COMMD7: variants seen among roughly 807,000 people sequenced by gnomAD.
COMMD7 encodes COMM domain-containing protein 7.
A neutral mutation model predicts 34.8 loss-of-function variants in COMMD7; 28 were observed. That is an observed-to-expected ratio of 0.80 (90% CI 0.60 to 1.10). The LOEUF (loss-of-function observed/expected upper bound fraction) is 1.10. Ranked by LOEUF, COMMD7 falls within the 50% of genes least tolerant of loss-of-function variation. The pLI is 0.00. For synonymous variants in COMMD7, 80 were observed against 86.4 expected, an observed-to-expected ratio of 0.93 and a Z score of 0.41; for missense variants, 211 against 241.6, an observed-to-expected ratio of 0.87 and a Z score of 0.84.
intron 1 of COMMD7, among the ~76,000 whole-genome samples, chr20:32,738,207 C>A (rs1026109705): frequency 2.0e-5 from 3 of 152,116 alleles, no homozygotes; most frequent in African/African-American, 7.2e-5. Context: ...CTCACTGCAG[C>A]CTCAAACTTC....
At chr20:32,739,500 C>T (rs928918865) in intron 1 of COMMD7, among the ~76,000 whole-genome samples, 9 of 151,404 alleles carry the variant, frequency 5.9e-5, no homozygotes, top group Admixed American at 6.6e-5. Flanking sequence ...AAAAAATTAG[C>T]AGGGAGTAGT....
At chr20:32,711,415 T>TA (rs76264991) in intron 3 of COMMD7, among the ~76,000 whole-genome samples, 2,348 of 123,946 alleles carry the variant, frequency 0.019, 37 homozygotes, top group African/African-American at 0.05. Context: ...AAATGTTACT[T>TA]AAAAAAAAAA....
At chr20:32,726,264 G>T (rs1351775716) in intron 3 of COMMD7, among the ~76,000 whole-genome samples, 2 of 151,720 alleles carry the variant, frequency 1.3e-5, no homozygotes, top group African/African-American at 4.8e-5. Flanking sequence ...GGTGGCGCTT[G>T]CCTGTGCCTG....
intron 1 of COMMD7, among the ~76,000 whole-genome samples, chr20:32,735,810 T>C (rs1334062508): frequency 6.6e-6 from 1 of 152,344 alleles, no homozygotes; most frequent in East Asian, 1.9e-4. Flanking sequence ...CATACCTAGC[T>C]TATTTCACTT....
chr20:32,738,518 C>T (rs922360573), intron 1 of COMMD7, among the ~76,000 whole-genome samples: 4 of 151,930 alleles, frequency 2.6e-5, no homozygotes, highest in East Asian at 1.9e-4. Flanking sequence ...ACCTAGGAGG[C>T]GGAGGTTGCA....
At chr20:32,715,700 G>A (rs6087975) in intron 3 of COMMD7, among the ~76,000 whole-genome samples, 31,859 of 151,908 alleles carry the variant, frequency 0.21, 3,605 homozygotes, top group Middle Eastern at 0.26. Context: ...CCAGCTACTC[G>A]GGAGGCTGAG....
chr20:32,704,378 T>C, intron 7 of COMMD7, 62 bp downstream of exon 7: 1 of 1,060,278 alleles, frequency 9.4e-7, no homozygotes, highest in Admixed American at 2.4e-5. Flanking sequence ...TAACCCAATG[T>C]AGATATAATT....
chr20:32,713,711 G>A (rs1271444525), intron 3 of COMMD7, among the ~76,000 whole-genome samples: 1 of 152,122 alleles, frequency 6.6e-6, no homozygotes, highest in African/African-American at 2.4e-5. Flanking sequence ...GCTAGATGCT[G>A]GGAAACATCA....
chr20:32,713,696 A>C (rs919813164), intron 3 of COMMD7, among the ~76,000 whole-genome samples: 4 of 152,188 alleles, frequency 2.6e-5, no homozygotes, highest in African/African-American at 9.6e-5. Context: ...ATGTGCCTGC[A>C]CTGTGCTAGA....
intron 3 of COMMD7, among the ~76,000 whole-genome samples, chr20:32,718,926 C>G (rs6057627): frequency 0.69 from 104,900 of 151,812 alleles, 36,936 homozygotes; most frequent in Middle Eastern, 0.83. Flanking sequence ...GCTGGGGTTG[C>G]GGGGAGAGTA....
At chr20:32,706,526 A>AT in intron 5 of COMMD7, 57 bp downstream of exon 5, 3 of 1,399,490 alleles carry the variant, frequency 2.1e-6, no homozygotes, top group African/African-American at 2.9e-5. Context: ...AAAAAAAAAA[A>AT]GAAAGAAAAG....
At chr20:32,718,409 A>T (rs1290896210) in intron 3 of COMMD7, among the ~76,000 whole-genome samples, 1 of 151,648 alleles carries the variant, frequency 6.6e-6, no homozygotes, top group African/African-American at 2.4e-5. Flanking sequence ...ATCTAAAAAA[A>T]AAAGGGGGGC....
rs750395324 is a variant in COMMD7, at chr20:32,706,721, G to A, written c.281C>T (p.Ala94Val). ...KKSLTAKQVQ[A>V]DFITLGLSEE... is the part of the protein sequence containing the mutation. ...TGACCTACCCAGAGTTATGAAATCC[G>A]CCTGGACCTGCTTGGCTGTGAGACT... Residue 94 changes from alanine to valine, a missense_variant, in exon 4 of 9, where the codon GCG becomes GTG. Physicochemically the swap from Ala to Val is moderately conservative, Grantham distance 64. Transcript: ENST00000278980. 33 of 1,613,764 alleles carry A rather than the reference G, an allele frequency of 2.0e-5. No homozygotes were observed. Among genetic ancestry groups the A allele is most frequent in the East Asian group, 1.6e-4 (7 of 44,866 alleles).
intron 1 of COMMD7, among the ~76,000 whole-genome samples, chr20:32,729,084 G>C (rs931122380): frequency 1.3e-5 from 2 of 151,872 alleles, no homozygotes; most frequent in Non-Finnish European, 2.9e-5. Flanking sequence ...AATATTTGAA[G>C]ACAGGGCCTG....
rs1160641754 is a variant in COMMD7 at position 32,723,307 on chromosome 20, A to G, written c.241+4586T>C. 2.6e-4 allele frequency among the ~76,000 whole-genome samples: 9 copies of G among 34,850 alleles called. 1 individual carries two copies. Among genetic ancestry groups the G allele is most frequent in the Admixed American group, 1.8e-3 (9 of 4,882 alleles). 22.9% of individuals were successfully genotyped at this position (34,850 alleles called of 152,430 possible). A position where few individuals can be genotyped will look rare whatever the true frequency, so the allele number is the denominator to read the frequency against. On this transcript the variant is annotated intron_variant, in intron 3 of 8. Coordinates refer to ENST00000278980, the MANE Select transcript of COMMD7 (RefSeq NM_053041.3). ...TTGCAGGCACGCGCCGCCACGCCTG[A>G]CTGGTTTTGGTGGAGACGGGGTTTC...
At chr20:32,729,293 C>T (rs6058835) in intron 1 of COMMD7, among the ~76,000 whole-genome samples, 2 of 151,400 alleles carry the variant, frequency 1.3e-5, no homozygotes, top group Non-Finnish European at 2.9e-5. Flanking sequence ...CTCAGCCTCC[C>T]GAGCAGCTGG....
chr20:32,721,728 A>C (rs1337194296), intron 3 of COMMD7, among the ~76,000 whole-genome samples: 1 of 152,154 alleles, frequency 6.6e-6, no homozygotes, highest in East Asian at 1.9e-4. Flanking sequence ...AAAAATACAA[A>C]AAACAAACAA....
Position 32,704,867 on chromosome 20 carries a change from A to G in COMMD7, c.374T>C (p.Ile125Thr). ...QNAPTLARWAIGQTLMINQLI... is the reference protein window; with the variant it reads ...QNAPTLARWATGQTLMINQLI... The stretch of plus-strand genomic sequence containing the variant: ...CTGGTTAATCATCAGAGTCTGACCT[A>G]TGGCCCATCGAGCAAGGGTGGGAGC... The change falls in exon 6 of 9, where the codon ATA becomes ACA. Residue 125 changes from isoleucine (I) to threonine (T), a missense_variant. By Grantham distance (89) the Ile-to-Thr change is moderately conservative. Coordinates refer to ENST00000278980, the MANE Select transcript of COMMD7 (RefSeq NM_053041.3). 6.2e-7 allele frequency: 1 copy of G among 1,614,108 alleles called. No homozygotes were observed. The highest frequency in any genetic ancestry group is 2.2e-5 in the East Asian group (1 of 44,874).
At chr20:32,738,687 G>A (rs528223074) in intron 1 of COMMD7, among the ~76,000 whole-genome samples, 16 of 152,038 alleles carry the variant, frequency 1.1e-4, no homozygotes, top group African/African-American at 3.9e-4. Flanking sequence ...CTCCCAAAGT[G>A]CTTGATTACA....
Sources: gnomAD v4.1 joint callset for allele counts (sites outside exome capture counted in the v4.1 genomes callset) on GRCh38, gnomAD v4.1.1 for gene constraint, MANE v1.5 for transcripts, NCBI Gene and HGNC (gene_info 2026-07-23, HGNC 2026-07-21) for gene names.